CSMD1: variants seen among roughly 807,000 people sequenced by gnomAD.
The protein encoded by CSMD1 is CUB and Sushi multiple domains 1, also known as CUB and sushi domain-containing protein 1.
A neutral mutation model predicts 417.5 loss-of-function variants in CSMD1; 213 were observed. The ratio of observed to expected loss-of-function variants is 0.51; its 90% CI spans 0.46 to 0.57. The LOEUF (loss-of-function observed/expected upper bound fraction) is 0.57. Among genes scored for constraint, CSMD1 ranks in the 20% least tolerant of loss-of-function variants. The pLI is 0.00. For synonymous variants in CSMD1, 2,862 were observed against 1,736.8 expected, an observed-to-expected ratio of 1.65 and a Z score of -16.11; for missense variants, 6,923 against 4,529.7, an observed-to-expected ratio of 1.53 and a Z score of -15.17.
chr8:3,493,671 G>T lies in CSMD1; in HGVS notation c.1400C>A (p.Thr467Lys). 1 of 1,612,318 alleles carries T rather than the reference G, an allele frequency of 6.2e-7. No homozygotes were observed. The highest frequency in any genetic ancestry group is 8.5e-7 in the Non-Finnish European group (1 of 1,179,298). ...FELERGYDTL[T>K]VGDAGKVGDT... ...TCCCACCTTCCCAGCATCACCAACCGTCAGGGTGTCATAGCCTCGCTCCAG... is the reference window on the plus strand; with the variant it reads ...TCCCACCTTCCCAGCATCACCAACCTTCAGGGTGTCATAGCCTCGCTCCAG... Residue 467 changes from threonine (T) to lysine (K), a missense_variant, in exon 11 of 70, where the codon ACG becomes AAG. Transcript: ENST00000635120.
chr8:4,810,703 G>A lies in CSMD1; in HGVS notation c.86-173145C>T, dbSNP rs139809885. On this transcript the variant is annotated intron_variant, in intron 1 of 69. Transcript: ENST00000635120. Reference sequence around the variant, plus strand: ...AATGTTCCAATGTCAATGAGATTCCGTCATCTGGAAATTTTCATAATTCAT... The same window carrying A: ...AATGTTCCAATGTCAATGAGATTCCATCATCTGGAAATTTTCATAATTCAT... Among the ~76,000 whole-genome samples the A allele has an allele frequency of 1.1e-3, 165 of 152,164 alleles. 1 individual carries two copies. The highest frequency in any genetic ancestry group is 3.2e-3 in the African/African-American group (132 of 41,526).
chr8:3,740,793 C>T (rs976696588), intron 6 of CSMD1, among the ~76,000 whole-genome samples: 1 of 152,160 alleles, frequency 6.6e-6, no homozygotes, highest in East Asian at 1.9e-4. Context: ...ACTGTGTTTA[C>T]CTTGAGCATC....
intron 6 of CSMD1, among the ~76,000 whole-genome samples, chr8:3,748,200 G>A (rs1046409418): frequency 1.3e-5 from 2 of 152,048 alleles, no homozygotes; most frequent in African/African-American, 4.8e-5. Context: ...TAGATATTTA[G>A]GAAAAGTGGT....
intron 2 of CSMD1, among the ~76,000 whole-genome samples, chr8:4,534,949 G>C (rs753884553): frequency 6.6e-6 from 1 of 152,116 alleles, no homozygotes; most frequent in Non-Finnish European, 1.5e-5. Flanking sequence ...TTTTAATAGA[G>C]ACGGGGTTTC....
chr8:3,326,396 C>G (rs1806533759), intron 23 of CSMD1, among the ~76,000 whole-genome samples: 1 of 152,126 alleles, frequency 6.6e-6, no homozygotes, highest in African/African-American at 2.4e-5. Flanking sequence ...AGATTTATGT[C>G]CTGTTTTTAG....
chr8:4,036,143 T>G (rs1797605345), intron 3 of CSMD1, among the ~76,000 whole-genome samples: 1 of 152,204 alleles, frequency 6.6e-6, no homozygotes, highest in Non-Finnish European at 1.5e-5. Flanking sequence ...AGGTGCGTAG[T>G]AGGCCGCAAA....
At chr8:4,936,371 G>C (rs538994659) in intron 1 of CSMD1, among the ~76,000 whole-genome samples, 31 of 152,256 alleles carry the variant, frequency 2.0e-4, no homozygotes, top group Non-Finnish European at 4.0e-4. Context: ...AAGGTTTTTA[G>C]AGTGGGCAGC....
chr8:3,334,105 G>A (rs1807084337), intron 23 of CSMD1, among the ~76,000 whole-genome samples: 1 of 152,196 alleles, frequency 6.6e-6, no homozygotes, highest in Non-Finnish European at 1.5e-5. Flanking sequence ...CACACAGAGT[G>A]TCTACTGATG....
intron 41 of CSMD1, among the ~76,000 whole-genome samples, chr8:3,121,915 G>C (rs992800050): frequency 2.6e-5 from 4 of 152,096 alleles, no homozygotes; most frequent in Non-Finnish European, 5.9e-5. Context: ...ACTGTCATAA[G>C]TTCAAATAAA....
At chr8:3,692,916 T>A (rs1363154467) in intron 7 of CSMD1, among the ~76,000 whole-genome samples, 1 of 152,190 alleles carries the variant, frequency 6.6e-6, no homozygotes, top group Non-Finnish European at 1.5e-5. Flanking sequence ...TGCCATTCAA[T>A]TATCAAAATA....
intron 1 of CSMD1, among the ~76,000 whole-genome samples, chr8:4,777,257 A>G (rs1003848366): frequency 2.0e-5 from 3 of 152,362 alleles, no homozygotes; most frequent in South Asian, 2.1e-4. Context: ...AGCAGGAGGC[A>G]AGGCAGTGCG....
At chr8:4,929,938 T>C (rs971430253) in intron 1 of CSMD1, among the ~76,000 whole-genome samples, 5 of 152,222 alleles carry the variant, frequency 3.3e-5, no homozygotes, top group Admixed American at 6.5e-5. Context: ...GCTAATTTAG[T>C]TCCTGAGTGA....
At chr8:3,359,854 G>A (rs958173003) in intron 20 of CSMD1, among the ~76,000 whole-genome samples, 6 of 152,078 alleles carry the variant, frequency 3.9e-5, no homozygotes, top group African/African-American at 1.4e-4. Flanking sequence ...AATATCACAT[G>A]CACCCCATAA....
chr8:3,653,897 T>G (rs1797980238), intron 7 of CSMD1, among the ~76,000 whole-genome samples: 1 of 152,194 alleles, frequency 6.6e-6, no homozygotes, highest in Non-Finnish European at 1.5e-5. Context: ...AGCATCAGTA[T>G]TAAAAATCAG....
rs560357048 is a variant in CSMD1, at chr8:3,932,560, T to C, written c.818+65343A>G. 1.3e-4 allele frequency among the ~76,000 whole-genome samples: 19 copies of C among 150,710 alleles called. 1 individual carries two copies. The South Asian group carries it at 2.3e-3, about 19-fold the overall frequency. On this transcript the variant is annotated intron_variant, in intron 5 of 69. Transcript: ENST00000635120. ...AGCCCCACAATTAAAGTTCAATGCA[T>C]TGCAGTCTAATTAGTACTGTGGCTA...
chr8:3,175,804 C>T (rs1337903809), intron 37 of CSMD1, among the ~76,000 whole-genome samples: 1 of 152,042 alleles, frequency 6.6e-6, no homozygotes, highest in Admixed American at 6.6e-5. Context: ...CTTATGGATT[C>T]TAAATATATT....
At chr8:3,483,390 T>C (rs928264126) in intron 11 of CSMD1, among the ~76,000 whole-genome samples, 1 of 152,036 alleles carries the variant, frequency 6.6e-6, no homozygotes, top group South Asian at 2.1e-4. Flanking sequence ...TTATTAGATA[T>C]AAACTGATTT....
chr8:4,220,120 T>G (rs1166816707), intron 3 of CSMD1, among the ~76,000 whole-genome samples: 6 of 152,038 alleles, frequency 3.9e-5, no homozygotes, highest in Non-Finnish European at 7.4e-5. Flanking sequence ...CAGCTGATTT[T>G]TTGTATTTTC....
At chr8:3,008,262 A>G (rs1808109929) in intron 52 of CSMD1, among the ~76,000 whole-genome samples, 1 of 152,208 alleles carries the variant, frequency 6.6e-6, no homozygotes, top group Non-Finnish European at 1.5e-5. Flanking sequence ...AGCAGTCAGG[A>G]GGGCAGAAAG....
Sources: gnomAD v4.1 joint callset for allele counts (sites outside exome capture counted in the v4.1 genomes callset) on GRCh38, gnomAD v4.1.1 for gene constraint, MANE v1.5 for transcripts, NCBI Gene and HGNC (gene_info 2026-07-23, HGNC 2026-07-21) for gene names.